The following KMT2C variants were observed in gnomAD, a reference collection of about 807,000 sequenced individuals.
KMT2C encodes the protein lysine methyltransferase 2C.
In KMT2C, 88 loss-of-function variants were observed where a neutral mutation model predicts 507.9. That is an observed-to-expected ratio of 0.17 (90% confidence interval 0.15 to 0.21). The LOEUF (loss-of-function observed/expected upper bound fraction) is 0.21. Among genes scored for constraint, KMT2C ranks in the 10% least tolerant of loss-of-function variants. KMT2C has a pLI of 1.00. For synonymous variants in KMT2C, 2,049 were observed against 2,080.8 expected, an observed-to-expected ratio of 0.98 and a Z score of 0.42; for missense variants, 4,954 against 5,957.8, an observed-to-expected ratio of 0.83 and a Z score of 5.55.
At chr7:152,244,808 C>G (rs1198613404) in intron 14 of KMT2C, among the ~76,000 whole-genome samples, 1 of 152,092 alleles carries the variant, frequency 6.6e-6, no homozygotes, top group Non-Finnish European at 1.5e-5. Flanking sequence ...CAGTTAGGTT[C>G]TAAATCATAC....
At chr7:152,292,507 A>C (rs985967209) in intron 6 of KMT2C, among the ~76,000 whole-genome samples, 18 of 152,236 alleles carry the variant, frequency 1.2e-4, no homozygotes, top group Non-Finnish European at 1.2e-4. Flanking sequence ...ATAAAACATT[A>C]GTTTTAAACA....
At chr7:152,204,125 A>G (rs2094225316) in intron 25 of KMT2C, among the ~76,000 whole-genome samples, 1 of 151,688 alleles carries the variant, frequency 6.6e-6, no homozygotes, top group Admixed American at 6.6e-5. Flanking sequence ...GCTCACCACC[A>G]ATAGCAAAAA....
intron 39 of KMT2C, among the ~76,000 whole-genome samples, chr7:152,171,564 G>A (rs896756815): frequency 1.3e-5 from 2 of 152,150 alleles, no homozygotes; most frequent in Non-Finnish European, 2.9e-5. Context: ...TGTTACTTAT[G>A]ATGAAAGTAA....
At chr7:152,155,412 C>G (rs1260998286) in intron 46 of KMT2C, among the ~76,000 whole-genome samples, 1 of 152,180 alleles carries the variant, frequency 6.6e-6, no homozygotes, top group Non-Finnish European at 1.5e-5. Flanking sequence ...GAACTTGATT[C>G]TCCCCAATTA....
chr7:152,195,538 G>C (rs1426184128), intron 28 of KMT2C: 2 of 985,128 alleles, frequency 2.0e-6, no homozygotes, highest in East Asian at 1.1e-4. Flanking sequence ...GAAAAGGTGA[G>C]CTCTCAACCT....
At chr7:152,373,868 C>T (rs892526041) in intron 1 of KMT2C, among the ~76,000 whole-genome samples, 11 of 152,072 alleles carry the variant, frequency 7.2e-5, no homozygotes, top group African/African-American at 2.7e-4. Flanking sequence ...TCCTGAGACA[C>T]AAACCTAATT....
chr7:152,183,720 C>T (rs1430949168), intron 34 of KMT2C, among the ~76,000 whole-genome samples: 1 of 151,986 alleles, frequency 6.6e-6, no homozygotes, highest in South Asian at 2.1e-4. Context: ...AACATGGAGA[C>T]ACCCCATCTC....
At chr7:152,348,552 T>C (rs1295371662) in intron 2 of KMT2C, among the ~76,000 whole-genome samples, 1 of 142,236 alleles carries the variant, frequency 7.0e-6, no homozygotes, top group Non-Finnish European at 1.5e-5. Flanking sequence ...TGAGCCGAGA[T>C]TGTGCCATTG....
chr7:152,367,017 T>TGGGCTC (rs2097252817), intron 1 of KMT2C: 1 of 592,898 alleles, frequency 1.7e-6, no homozygotes, highest in Non-Finnish European at 3.0e-6. Context: ...CACCTGAGCC[T>TGGGCTC]GGGCTCTTGC....
chr7:152,291,611 T>C (rs375868015), intron 6 of KMT2C, among the ~76,000 whole-genome samples: 66 of 139,046 alleles, frequency 4.7e-4, no homozygotes, highest in African/African-American at 1.4e-3. Flanking sequence ...TTTTCTCTTG[T>C]AGTTGTTTCA....
intron 1 of KMT2C, among the ~76,000 whole-genome samples, chr7:152,401,171 C>T (rs1051551352): frequency 2.6e-5 from 4 of 151,704 alleles, no homozygotes; most frequent in Non-Finnish European, 4.4e-5. Context: ...CTGCAACCTC[C>T]GCCTCCGGGG....
chr7:152,149,579 C>T (rs2091439886), intron 51 of KMT2C, among the ~76,000 whole-genome samples: 1 of 152,212 alleles, frequency 6.6e-6, no homozygotes, highest in Non-Finnish European at 1.5e-5. Flanking sequence ...AGCATCGTTT[C>T]TTGAGAGCTT....
intron 14 of KMT2C, among the ~76,000 whole-genome samples, chr7:152,247,080 A>G (rs1215913932): frequency 6.6e-6 from 1 of 152,196 alleles, no homozygotes. Flanking sequence ...AGCAATTTCA[A>G]TCATGAAACT....
chr7:152,186,409 G>A (rs756240197), intron 33 of KMT2C, among the ~76,000 whole-genome samples: 1 of 152,202 alleles, frequency 6.6e-6, no homozygotes, highest in Admixed American at 6.5e-5. Flanking sequence ...AGCATGGAAA[G>A]AAAGTGGCTG....
In KMT2C at chr7:152,163,053, C is replaced by T. The variant is rs2129104187; in HGVS notation, c.10524G>A (p.Arg3508=). 2 of 1,614,170 alleles carry T rather than the reference C, an allele frequency of 1.2e-6. No homozygotes were observed. Among genetic ancestry groups the T allele is most frequent in the South Asian group, 2.2e-5 (2 of 91,068 alleles). Residue 3508 remains arginine, a synonymous_variant, in exon 43 of 59, where the codon AGG becomes AGA. Transcript: ENST00000262189. ...GAACAAATGAAGGAGGGCCTACCTG[C>T]CTTCGCTCATTAGTCTGCATGAAAG... ...TQTFMQTNER[R]QVGPPSFVPD...
intron 14 of KMT2C, among the ~76,000 whole-genome samples, chr7:152,245,558 T>C (rs2095459119): frequency 6.6e-6 from 1 of 152,182 alleles, no homozygotes; most frequent in African/African-American, 2.4e-5. Context: ...ATATTTATAT[T>C]AGACAGCACT....
rs371396057 is a variant in KMT2C, at chr7:152,327,957, CAAAAAAA to C, written c.389+2637_389+2643del. 5.2e-4 allele frequency among the ~76,000 whole-genome samples: 41 copies of C among 78,704 alleles called. 1 individual carries two copies. Among genetic ancestry groups the C allele is most frequent in the African/African-American group, 1.7e-3 (34 of 20,050 alleles). 51.6% of individuals were successfully genotyped at this position (78,704 alleles called of 152,430 possible). ...TGGGCAACAGAGCGAGACTCCGCCT[CAAAAAAA>C]AAAAAAAAAAAGAAAAAAGAAAAAA... On this transcript the variant is annotated intron_variant, in intron 3 of 58. Coordinates refer to ENST00000262189, the MANE Select transcript of KMT2C (RefSeq NM_170606.3).
intron 25 of KMT2C, among the ~76,000 whole-genome samples, chr7:152,204,080 T>C (rs2094223852): frequency 6.7e-6 from 1 of 149,750 alleles, no homozygotes; most frequent in African/African-American, 2.5e-5. Flanking sequence ...TAATAAGAAA[T>C]ACACCTTCAC....
intron 4 of KMT2C, 123 bp downstream of exon 4, chr7:152,315,015 T>C (rs2096710067): frequency 1.3e-6 from 1 of 755,410 alleles, no homozygotes; most frequent in African/African-American, 1.8e-5. Flanking sequence ...ATCCCATAAA[T>C]GTGGAGAACA....
Sources: allele counts gnomAD v4.1 joint callset (sites outside exome capture counted in the v4.1 genomes callset), GRCh38; gene constraint gnomAD v4.1.1; transcripts MANE v1.5; gene names NCBI Gene and HGNC (gene_info 2026-07-23, HGNC 2026-07-21).